Variants in DDB1 observed in about 807,000 individuals in gnomAD.
DDB1 encodes damage specific DNA binding protein 1, also known as DNA damage-binding protein 1.
DDB1 carries 18 observed loss-of-function variants against 133.1 expected under a neutral mutation model. That is an observed-to-expected ratio of 0.14 (90% confidence interval 0.09 to 0.20). The LOEUF is 0.20. Among genes scored for constraint, DDB1 ranks in the 10% least tolerant of loss-of-function variants. The pLI is 1.00. For synonymous variants in DDB1, 580 were observed against 550.5 expected (o/e 1.05, Z -0.75); for missense variants, 828 against 1,459.2 (o/e 0.57, Z 7.05).
intron 6 of DDB1, chr11:61,324,386 T>C: frequency 4.8e-6 from 2 of 415,378 alleles, no homozygotes; most frequent in Non-Finnish European, 8.8e-6. Flanking sequence ...TATGTCGTCA[T>C]TCTGCAGGAA....
intron 19 of DDB1, 82 bp downstream of exon 19, chr11:61,310,213 C>G: frequency 1.3e-6 from 2 of 1,535,420 alleles, no homozygotes; most frequent in Non-Finnish European, 1.8e-6. Flanking sequence ...CCACATCTGT[C>G]AGGCTTTGCA....
rs551308518 is a variant in DDB1, at chr11:61,311,478, G to A, written c.2277+306C>T. The A allele has an allele frequency of 1.1e-4, 33 of 287,998 alleles. 1 individual carries two copies. In the South Asian group the frequency reaches 3.7e-3, roughly 33 times the overall value. The allele number at this position is 287,998 out of a possible 1,614,324, so 17.8% of individuals were successfully genotyped here. On this transcript the variant is annotated intron_variant, in intron 18 of 26. Transcript: ENST00000301764. ...AACAAACAAACAAACCTGGAAGCCC[G>A]TTCTGTCGGACTCCAAACCCCATGT...
At chr11:61,310,183 G>T in intron 19 of DDB1, 112 bp downstream of exon 19, 1 of 1,473,642 alleles carries the variant, frequency 6.8e-7, no homozygotes, top group Non-Finnish European at 9.2e-7. Context: ...CCTCCTTTCT[G>T]CTCCTCCTAG....
At chr11:61,301,020 AATC>A in intron 25 of DDB1, 88 bp from the exon 26 acceptor site, 3 of 1,547,376 alleles carry the variant, frequency 1.9e-6, no homozygotes, top group Admixed American at 3.7e-5. Flanking sequence ...AATCTAAAGC[AATC>A]ATCAGGATTA....
chr11:61,323,349 C>T (rs1041223173), intron 7 of DDB1: 1 of 486,306 alleles, frequency 2.1e-6, no homozygotes, highest in Non-Finnish European at 3.7e-6. Flanking sequence ...AAAGATACTG[C>T]CTAAGTATTA....
Position 61,302,333 on chromosome 11 carries a change from A to G in DDB1, c.3139T>C (p.Trp1047Arg). The change falls in exon 25 of 27, where the codon TGG (tryptophan) becomes CGG (arginine). Residue 1047 changes from tryptophan (W) to arginine (R), a missense_variant. This residue lies in a region of DDB1 where 116 missense variants were observed against 221.6 expected (regional missense o/e 0.52). Coordinates refer to ENST00000301764, the MANE Select transcript of DDB1 (RefSeq NM_001923.5). Reference sequence around the variant, plus strand: ...TGCATGTCCAGCAGGAGGTTGTACCAGCTCTCTGACAGTGAGGTCACCAGC... The same window carrying G: ...TGCATGTCCAGCAGGAGGTTGTACCGGCTCTCTGACAGTGAGGTCACCAGC... Reference protein sequence around the residue: ...IGLVTSLSESWYNLLLDMQNR... With the variant: ...IGLVTSLSESRYNLLLDMQNR... 3.7e-6 allele frequency: 6 copies of G among 1,614,196 alleles called. No individual in the cohort carries two copies. Among genetic ancestry groups the G allele is most frequent in the Non-Finnish European group, 5.1e-6 (6 of 1,180,022 alleles).
chr11:61,302,057 T>C, intron 25 of DDB1, 200 bp downstream of exon 25: 1 of 503,218 alleles, frequency 2.0e-6, no homozygotes, highest in East Asian at 3.1e-5. Context: ...AGGTGATAAG[T>C]ACTTTGGGAG....
chr11:61,303,464 C>T (rs947842911), intron 22 of DDB1: 1 of 313,872 alleles, frequency 3.2e-6, no homozygotes, highest in East Asian at 7.7e-5. Flanking sequence ...CGTGGCGGGC[C>T]GATTATGAGG....
intron 5 of DDB1, 72 bp from the exon 6 acceptor site, chr11:61,325,780 G>C (rs1297117394): frequency 1.6e-6 from 2 of 1,236,704 alleles, no homozygotes; most frequent in African/African-American, 3.0e-5. Context: ...CAAAAGTACA[G>C]GTCTAGTTAG....
chr11:61,332,998 C>T lies in DDB1; in HGVS notation c.-30G>A, dbSNP rs1287635952. On this transcript the variant is annotated 5_prime_UTR_variant, in exon 1 of 27. Coordinates refer to ENST00000301764, the MANE Select transcript of DDB1 (RefSeq NM_001923.5). ...AGGCTTGGAGCGGCCCGTCGGGACT[C>T]GAGCGCGACACTAGAAAGAGGGACA... 1 of 1,482,152 alleles carries T rather than the reference C, an allele frequency of 6.7e-7. No homozygotes were observed. The highest frequency in any genetic ancestry group is 2.7e-5 in the East Asian group (1 of 36,598). 91.8% of individuals were successfully genotyped at this position (1,482,152 alleles called of 1,614,324 possible). A position where few individuals can be genotyped will look rare whatever the true frequency, so the allele number is the denominator to read the frequency against.
intron 1 of DDB1, chr11:61,332,018 G>T: frequency 4.7e-6 from 1 of 212,806 alleles, no homozygotes; most frequent in Non-Finnish European, 9.6e-6. Context: ...ACAGTGGCAG[G>T]CTCTAATTGA....
At chr11:61,317,313 C>A (rs908169461) in intron 10 of DDB1, among the ~76,000 whole-genome samples, 1 of 151,584 alleles carries the variant, frequency 6.6e-6, no homozygotes, top group Non-Finnish European at 1.5e-5. Context: ...CAGGGTTTCA[C>A]CATGTTAGCC....
chr11:61,301,755 G>C (rs957261525), intron 25 of DDB1: 2 of 152,854 alleles, frequency 1.3e-5, no homozygotes, highest in Non-Finnish European at 2.9e-5. Context: ...CCACCTCCAG[G>C]GGGGCGGGGA....
At chr11:61,315,719 GGTGTCA>G (rs1364275567) in intron 12 of DDB1, 1 of 152,680 alleles carries the variant, frequency 6.5e-6, no homozygotes, top group Admixed American at 6.5e-5. Context: ...GGGGTGGAAG[GGTGTCA>G]GAAATGAGGC....
rs1565039240 is a variant in DDB1, at chr11:61,329,589, G to A, written c.328-5C>T. ...TGAGGGGCGGCCAATGCGGTCCTGA[G>A]AAACAAAATCGGGATTAGGGAAGAA... On this transcript the variant is annotated splice_region_variant and splice_polypyrimidine_tract_variant and intron_variant, in intron 3 of 26. Transcript: ENST00000301764. The A allele has an allele frequency of 2.5e-6, 4 of 1,604,156 alleles. No homozygotes were observed. In the South Asian group the frequency reaches 3.3e-5, roughly 13 times the overall value.
rs531956969 is a variant in DDB1 at position 61,328,350 on chromosome 11, C to T, written c.549+1013G>A. On this transcript the variant is annotated intron_variant, in intron 4 of 26. Coordinates refer to ENST00000301764, the MANE Select transcript of DDB1 (RefSeq NM_001923.5). ...ATCAAACTGTTTATGTGCCAACACA[C>T]TCTATGTGGAACTGGACTATCATTT... Among the ~76,000 whole-genome samples the T allele has an allele frequency of 2.6e-5, 4 of 152,332 alleles. No individual in the cohort carries two copies. In the South Asian group the frequency reaches 8.3e-4, roughly 32 times the overall value.
chr11:61,315,994 T>C (rs1856058733), intron 12 of DDB1: 1 of 260,358 alleles, frequency 3.8e-6, no homozygotes, highest in Admixed American at 4.9e-5. Flanking sequence ...AGTGCTAAAA[T>C]AGGATCCGAA....
At chr11:61,320,373 G>A (rs1046084306) in intron 10 of DDB1, among the ~76,000 whole-genome samples, 3 of 151,534 alleles carry the variant, frequency 2.0e-5, no homozygotes, top group African/African-American at 7.3e-5. Context: ...CTAATTTTTT[G>A]TATTTTTAGT....
rs369683404 is a variant in DDB1, at chr11:61,310,407, G to A, written c.2289C>T (p.Ser763=). ...RPSASTQALS[S]SVSSSKLFSS... ...AGAACAGCTTGCTGGAGCTTACACT[G>A]CTGGACAGAGCCTGCAAACAGAGAG... Residue 763 remains serine, a synonymous_variant, in exon 19 of 27, where the codon AGC becomes AGT. Transcript: ENST00000301764. 2.6e-4 allele frequency: 420 copies of A among 1,603,252 alleles called. 3 individuals carry two copies. The highest frequency in any genetic ancestry group is 1.9e-4 in the Non-Finnish European group (229 of 1,176,416).
Sources: gnomAD v4.1 joint callset for allele counts (sites outside exome capture counted in the v4.1 genomes callset) on GRCh38, gnomAD v4.1.1 for gene constraint, gnomAD v4.1.1 regional missense constraint, MANE v1.5 for transcripts, NCBI Gene and HGNC (gene_info 2026-07-23, HGNC 2026-07-21) for gene names.